ZNF385D: variants seen among roughly 807,000 people sequenced by gnomAD.
The protein encoded by ZNF385D is zinc finger protein 385D.
ZNF385D carries 15 observed loss-of-function variants against 35.8 expected under a neutral mutation model. The observed-to-expected ratio is 0.42, with a 90% CI of 0.28 to 0.64. ZNF385D has a LOEUF of 0.64. Among genes scored for constraint, ZNF385D ranks in the 30% least tolerant of loss-of-function variants. The pLI, the probability that ZNF385D is intolerant of heterozygous loss-of-function variation, is 0.23. For missense variants in ZNF385D, 474 were observed against 494.6 expected, an observed-to-expected ratio of 0.96 and a Z score of 0.39; for synonymous variants, 212 against 186.8, an observed-to-expected ratio of 1.13 and a Z score of -1.10.
Position 22,280,751 on chromosome 3 carries a change from C to CT in ZNF385D, c.106+91698dup, listed in dbSNP as rs546208108. Among the ~76,000 whole-genome samples, 92 of 152,028 alleles carry CT rather than the reference C, an allele frequency of 6.1e-4. 1 individual carries two copies. The highest frequency in any genetic ancestry group is 6.8e-3 in the Middle Eastern group (2 of 294). ...TAGTCTTGCTTTAGCTATGCAGGCA[C>CT]TTTTTTGGGTTCATATGAATTTTAT... On this transcript the variant is annotated intron_variant, in intron 2 of 5. Coordinates refer to the ZNF385D transcript ENST00000494108.
intron 3 of ZNF385D, among the ~76,000 whole-genome samples, chr3:22,100,525 A>T (rs371289870): frequency 2.0e-5 from 3 of 152,036 alleles, no homozygotes; most frequent in Admixed American, 6.6e-5. Context: ...TGAGTTCATG[A>T]CCTTTGTAGG....
chr3:22,321,783 C>A lies in ZNF385D; in HGVS notation c.106+50667G>T, dbSNP rs183693980. ...TTTTTCTTATGATTGCTGGTGTGAA[C>A]AAGTTACTGTGCATTTCATTCTTTT... On this transcript the variant is annotated intron_variant, in intron 2 of 5. Coordinates refer to the ZNF385D transcript ENST00000494108. Among the ~76,000 whole-genome samples, 4 of 152,168 alleles carry A rather than the reference C, an allele frequency of 2.6e-5. No individual in the cohort carries two copies. The East Asian group carries it at 7.7e-4, about 29-fold the overall frequency.
chr3:21,440,180 T>C (rs1410824447), intron 4 of ZNF385D, among the ~76,000 whole-genome samples: 1 of 152,090 alleles, frequency 6.6e-6, no homozygotes, highest in Non-Finnish European at 1.5e-5. Context: ...TGCATACATA[T>C]AGCAAAGAAG....
chr3:22,158,054 C>T (rs571137877), intron 3 of ZNF385D, among the ~76,000 whole-genome samples: 23 of 152,056 alleles, frequency 1.5e-4, no homozygotes, highest in Non-Finnish European at 2.5e-4. Flanking sequence ...AATTACAGCG[C>T]ACATTACAAA....
At chr3:22,347,878 C>T (rs1695730598) in intron 2 of ZNF385D, among the ~76,000 whole-genome samples, 1 of 152,152 alleles carries the variant, frequency 6.6e-6, no homozygotes, top group African/African-American at 2.4e-5. Flanking sequence ...ACTCACCCAT[C>T]ACTCAAACAA....
At chr3:22,369,835 T>C (rs140046006) in intron 2 of ZNF385D, among the ~76,000 whole-genome samples, 11 of 152,302 alleles carry the variant, frequency 7.2e-5, no homozygotes, top group Middle Eastern at 3.4e-3. Context: ...AGTACTAACA[T>C]TACTTAGCTG....
intron 3 of ZNF385D, among the ~76,000 whole-genome samples, chr3:21,899,733 T>G (rs571052018): frequency 1.3e-5 from 2 of 152,290 alleles, no homozygotes; most frequent in East Asian, 3.9e-4. Flanking sequence ...TGCTTTATAT[T>G]TGCTCCTACT....
At chr3:22,092,022 T>C (rs563953559) in intron 3 of ZNF385D, among the ~76,000 whole-genome samples, 2 of 152,180 alleles carry the variant, frequency 1.3e-5, no homozygotes, top group Non-Finnish European at 2.9e-5. Context: ...AGGAAGAACA[T>C]TTATAACTTA....
intron 3 of ZNF385D, among the ~76,000 whole-genome samples, chr3:21,988,644 G>T (rs1694958700): frequency 1.3e-5 from 2 of 151,534 alleles, no homozygotes; most frequent in South Asian, 4.3e-4. Flanking sequence ...CCTGCCCGCA[G>T]AGGTGGAGCC....
intron 2 of ZNF385D, among the ~76,000 whole-genome samples, chr3:21,576,056 CTG>C (rs1333030253): frequency 3.3e-5 from 5 of 152,196 alleles, no homozygotes; most frequent in East Asian, 1.9e-4. Flanking sequence ...AATACCAACT[CTG>C]TGAGTAAACT....
At chr3:21,740,858 G>T (rs2069479667) in intron 1 of ZNF385D, among the ~76,000 whole-genome samples, 1 of 152,260 alleles carries the variant, frequency 6.6e-6, no homozygotes, top group South Asian at 2.1e-4. Flanking sequence ...TAACTGAGGG[G>T]TATTAAATGA....
At chr3:21,440,332 C>T (rs1701796364) in intron 4 of ZNF385D, among the ~76,000 whole-genome samples, 1 of 152,180 alleles carries the variant, frequency 6.6e-6, no homozygotes, top group African/African-American at 2.4e-5. Context: ...TGTGGGCTTC[C>T]TTCTCGTAAC....
intron 1 of ZNF385D, among the ~76,000 whole-genome samples, chr3:21,750,644 AC>A (rs1308086923): frequency 1.3e-5 from 2 of 150,982 alleles, no homozygotes; most frequent in Middle Eastern, 3.4e-3. Flanking sequence ...GGCAAAGTTT[AC>A]CCCCCCGCCC....
chr3:22,065,572 G>C (rs1225483195), intron 3 of ZNF385D, among the ~76,000 whole-genome samples: 1 of 152,144 alleles, frequency 6.6e-6, no homozygotes, highest in African/African-American at 2.4e-5. Flanking sequence ...CCTTACACAA[G>C]AGGAAATTGG....
chr3:21,928,828 A>G (rs1700870836), intron 3 of ZNF385D, among the ~76,000 whole-genome samples: 1 of 152,180 alleles, frequency 6.6e-6, no homozygotes, highest in Middle Eastern at 3.2e-3. Flanking sequence ...AACTAAGTTG[A>G]TTTACTAATT....
intron 2 of ZNF385D, among the ~76,000 whole-genome samples, chr3:22,226,001 T>C (rs7647595): frequency 0.19 from 29,379 of 151,996 alleles, 3,134 homozygotes; most frequent in African/African-American, 0.26. Context: ...CCCATTCCCA[T>C]TGAATTGAAA....
At chr3:22,110,402 T>C (rs1457107204) in intron 3 of ZNF385D, among the ~76,000 whole-genome samples, 2 of 151,888 alleles carry the variant, frequency 1.3e-5, no homozygotes, top group Non-Finnish European at 2.9e-5. Flanking sequence ...TGTCCAACAA[T>C]GATAGACTGG....
Position 22,183,912 on chromosome 3 carries a change from TGTTA to T in ZNF385D, c.107-14881_107-14878del, listed in dbSNP as rs1295414158. Among the ~76,000 whole-genome samples the T allele has an allele frequency of 4.6e-5, 7 of 152,052 alleles. No homozygotes were observed. The East Asian group carries it at 5.8e-4, about 13-fold the overall frequency. Reference sequence around the variant, plus strand: ...TTTTACTTTTATGCTGTGAAAGAACTGTTAATTAAAAAAAGGAAGTTCCGTTTTT... The same window carrying T: ...TTTTACTTTTATGCTGTGAAAGAACTATTAAAAAAAGGAAGTTCCGTTTTT... On this transcript the variant is annotated intron_variant, in intron 2 of 5. Transcript: ENST00000494108.
chr3:21,653,416 TAAGA>T (rs2065980038), intron 2 of ZNF385D, among the ~76,000 whole-genome samples: 2 of 152,060 alleles, frequency 1.3e-5, no homozygotes, highest in South Asian at 4.1e-4. Flanking sequence ...TACACATATG[TAAGA>T]AAGAGTTTTT....
Sources: gnomAD v4.1 joint callset for allele counts (sites outside exome capture counted in the v4.1 genomes callset) on GRCh38, gnomAD v4.1.1 for gene constraint, MANE v1.5 for transcripts, NCBI Gene and HGNC (gene_info 2026-07-23, HGNC 2026-07-21) for gene names.